Variants in EPM2A observed in about 807,000 individuals in gnomAD.
EPM2A encodes the protein EPM2A glucan phosphatase, laforin, also known as laforin.
In EPM2A, 21 loss-of-function variants were observed where a neutral mutation model predicts 26.5. The observed-to-expected ratio is 0.79, with a 90% CI of 0.56 to 1.14. The LOEUF (loss-of-function observed/expected upper bound fraction) is 1.14. Ranked by LOEUF, EPM2A falls within the 50% of genes most tolerant of loss-of-function variation. EPM2A has a pLI of 0.00. For synonymous variants in EPM2A, 217 were observed against 177.6 expected (o/e 1.22, Z -1.76); for missense variants, 458 against 440.8 (o/e 1.04, Z -0.35).
intron 4 of EPM2A, among the ~76,000 whole-genome samples, chr6:145,422,815 G>A (rs542532953): frequency 6.6e-6 from 1 of 152,114 alleles, no homozygotes; most frequent in African/African-American, 2.4e-5. Flanking sequence ...CTGAAATTAT[G>A]AAGCCACAAT....
At chr6:145,651,960 C>T (rs1777914982) in intron 2 of EPM2A, among the ~76,000 whole-genome samples, 1 of 152,106 alleles carries the variant, frequency 6.6e-6, no homozygotes, top group African/African-American at 2.4e-5. Flanking sequence ...AGGCAACTGG[C>T]ATGATATTTG....
chr6:145,529,255 C>T (rs971337241), intron 2 of EPM2A, among the ~76,000 whole-genome samples: 1 of 152,150 alleles, frequency 6.6e-6, no homozygotes, highest in African/African-American at 2.4e-5. Flanking sequence ...AAAAGATTAG[C>T]TCCAATTTTG....
chr6:145,483,521 T>C (rs1405666314), intron 4 of EPM2A, among the ~76,000 whole-genome samples: 1 of 152,128 alleles, frequency 6.6e-6, no homozygotes, highest in Non-Finnish European at 1.5e-5. Flanking sequence ...ACTGATGATA[T>C]TATTTCATTT....
chr6:145,447,325 G>T (rs1459624706), intron 4 of EPM2A, among the ~76,000 whole-genome samples: 1 of 151,984 alleles, frequency 6.6e-6, no homozygotes, highest in Non-Finnish European at 1.5e-5. Flanking sequence ...TCCCTACTTT[G>T]CAATTCTTAT....
chr6:145,554,419 AGAT>A (rs1372532492), intron 2 of EPM2A, among the ~76,000 whole-genome samples: 2 of 140,466 alleles, frequency 1.4e-5, no homozygotes, highest in Non-Finnish European at 3.1e-5. Context: ...AGAGATAGAT[AGAT>A]GATAGATAGA....
intron 2 of EPM2A, among the ~76,000 whole-genome samples, chr6:145,600,375 G>T (rs750905378): frequency 1.3e-5 from 2 of 152,150 alleles, no homozygotes; most frequent in East Asian, 1.9e-4. Context: ...AATGATAGCA[G>T]AGTTTTTCAC....
chr6:145,616,184 C>T (rs1435222590), intron 2 of EPM2A, among the ~76,000 whole-genome samples: 2 of 152,216 alleles, frequency 1.3e-5, no homozygotes, highest in African/African-American at 4.8e-5. Flanking sequence ...ATGCTATGTG[C>T]AGCCTAGAAA....
chr6:145,420,667 T>A (rs749329146), intron 4 of EPM2A, among the ~76,000 whole-genome samples: 6 of 152,196 alleles, frequency 3.9e-5, no homozygotes, highest in Middle Eastern at 6.3e-3. Context: ...CTAATTATAC[T>A]ATTTAAGTGT....
chr6:145,678,216 G>A (rs1047175941), intron 2 of EPM2A, among the ~76,000 whole-genome samples: 4 of 152,186 alleles, frequency 2.6e-5, no homozygotes, highest in African/African-American at 9.7e-5. Context: ...TGGGAAAACT[G>A]GCTAGCAGTA....
chr6:145,414,062 G>T (rs777544623), intron 4 of EPM2A, among the ~76,000 whole-genome samples: 6 of 152,158 alleles, frequency 3.9e-5, no homozygotes, highest in Non-Finnish European at 8.8e-5. Flanking sequence ...TGCTAGCTAA[G>T]CTTGACGCTG....
rs192125859 is a variant in EPM2A, at chr6:145,577,533, C to A, written c.340+57712G>T. On this transcript the variant is annotated intron_variant, in intron 2 of 3. Transcript: ENST00000450221. ...ATATATGCATTCAATGCTGGATCAC[C>A]CACATATATAAAGCAAACATTATTA... Among the ~76,000 whole-genome samples, 400 of 151,992 alleles carry A rather than the reference C, an allele frequency of 2.6e-3. 2 individuals are homozygous for A. The highest frequency in any genetic ancestry group is 4.4e-3 in the Non-Finnish European group (299 of 67,912).
chr6:145,457,559 G>A (rs548022954), intron 4 of EPM2A, among the ~76,000 whole-genome samples: 1 of 151,826 alleles, frequency 6.6e-6, no homozygotes, highest in Admixed American at 6.6e-5. Flanking sequence ...TGCTACCAGT[G>A]CATCTCTTTT....
At chr6:145,506,358 C>T (rs1779973912) in intron 2 of EPM2A, among the ~76,000 whole-genome samples, 1 of 152,070 alleles carries the variant, frequency 6.6e-6, no homozygotes, top group Non-Finnish European at 1.5e-5. Flanking sequence ...CCACTCCTGG[C>T]ATTTTTGCTC....
intron 1 of EPM2A, among the ~76,000 whole-genome samples, chr6:145,724,170 C>T (rs1776083741): frequency 6.6e-6 from 1 of 151,970 alleles, no homozygotes; most frequent in African/African-American, 2.4e-5. Context: ...ACAAGCTAAT[C>T]CACAAGTAAC....
intron 4 of EPM2A, among the ~76,000 whole-genome samples, chr6:145,389,456 T>C (rs1778309005): frequency 6.6e-6 from 1 of 152,160 alleles, no homozygotes; most frequent in African/African-American, 2.4e-5. Context: ...CCTCCCAAAG[T>C]GCTGGAATTA....
At chr6:145,431,597 G>A (rs1380076267) in intron 4 of EPM2A, among the ~76,000 whole-genome samples, 2 of 152,118 alleles carry the variant, frequency 1.3e-5, no homozygotes, top group East Asian at 1.9e-4. Flanking sequence ...GTACTTTATT[G>A]CTAAAGAATA....
chr6:145,517,665 T>C (rs1780147577), intron 2 of EPM2A, among the ~76,000 whole-genome samples: 1 of 152,202 alleles, frequency 6.6e-6, no homozygotes, highest in African/African-American at 2.4e-5. Context: ...GCAATATCTT[T>C]AATATGCTCA....
intron 4 of EPM2A, among the ~76,000 whole-genome samples, chr6:145,475,774 C>G (rs1162659253): frequency 1.3e-5 from 2 of 151,592 alleles, no homozygotes; most frequent in East Asian, 1.9e-4. Flanking sequence ...ATGGTAACCT[C>G]AAACCAAAAA....
intron 2 of EPM2A, among the ~76,000 whole-genome samples, chr6:145,510,828 TA>T (rs1780045201): frequency 1.3e-5 from 2 of 151,966 alleles, no homozygotes; most frequent in Admixed American, 1.3e-4. Flanking sequence ...TTTGAAAGGA[TA>T]AACAAGATTG....
Sources: allele counts gnomAD v4.1 joint callset (sites outside exome capture counted in the v4.1 genomes callset), GRCh38; gene constraint gnomAD v4.1.1; transcripts MANE v1.5; gene names NCBI Gene and HGNC (gene_info 2026-07-23, HGNC 2026-07-21).